The following EYS variants were observed in gnomAD, a reference collection of about 807,000 sequenced individuals.
The protein encoded by EYS is EGF-like photoreceptor maintenance factor.
EYS carries 250 observed loss-of-function variants against 282.1 expected under a neutral mutation model. The observed-to-expected ratio is 0.89, with a 90% CI of 0.80 to 0.98. The LOEUF is 0.98. Among genes scored for constraint, EYS ranks in the 50% least tolerant of loss-of-function variants. The pLI, the probability that EYS is intolerant of heterozygous loss-of-function variation, is 0.00. For missense variants in EYS, 4,016 were observed against 3,709.0 expected, an observed-to-expected ratio of 1.08 and a Z score of -2.15; for synonymous variants, 1,355 against 1,282.9, an observed-to-expected ratio of 1.06 and a Z score of -1.20.
intron 12 of EYS, among the ~76,000 whole-genome samples, chr6:65,174,477 T>G (rs1308440169): frequency 6.6e-6 from 1 of 151,298 alleles, no homozygotes; most frequent in East Asian, 2.0e-4. Flanking sequence ...ATGACCAGAA[T>G]AGAGTCCCCA....
intron 5 of EYS, among the ~76,000 whole-genome samples, chr6:65,454,991 C>T (rs191472989): frequency 5.6e-4 from 85 of 152,002 alleles, no homozygotes; most frequent in African/African-American, 2.0e-3. Context: ...TATTTAGCGT[C>T]TTTTTGTGGT....
intron 24 of EYS, among the ~76,000 whole-genome samples, chr6:64,616,555 A>T (rs983809283): frequency 6.6e-6 from 1 of 151,876 alleles, no homozygotes; most frequent in Non-Finnish European, 1.5e-5. Flanking sequence ...GTTATTGATT[A>T]TTTTTTTCTA....
intron 15 of EYS, among the ~76,000 whole-genome samples, chr6:64,931,330 T>C (rs1768716106): frequency 1.3e-5 from 2 of 152,170 alleles, no homozygotes; most frequent in South Asian, 4.1e-4. Context: ...TTACAATGTT[T>C]ATAATATTTT....
intron 12 of EYS, among the ~76,000 whole-genome samples, chr6:65,181,168 C>T (rs1170576919): frequency 1.3e-5 from 2 of 152,126 alleles, no homozygotes; most frequent in Non-Finnish European, 2.9e-5. Flanking sequence ...ATGTCCAAAA[C>T]ACCAAAAGCA....
At chr6:65,067,206 C>A (rs930392604) in intron 12 of EYS, among the ~76,000 whole-genome samples, 1 of 152,044 alleles carries the variant, frequency 6.6e-6, no homozygotes, top group Non-Finnish European at 1.5e-5. Context: ...CATTTCCAAA[C>A]TAACTCAAAG....
At chr6:65,518,400 C>T (rs1310561425) in intron 2 of EYS, among the ~76,000 whole-genome samples, 1 of 151,976 alleles carries the variant, frequency 6.6e-6, no homozygotes. Flanking sequence ...TTCACTAGTA[C>T]AACAAGTTGG....
At chr6:65,298,133 C>A (rs2150287797) in intron 11 of EYS, among the ~76,000 whole-genome samples, 1 of 152,134 alleles carries the variant, frequency 6.6e-6, no homozygotes, top group African/African-American at 2.4e-5. Flanking sequence ...TCTTCCTGAG[C>A]TAATCTCTAG....
intron 1 of EYS, among the ~76,000 whole-genome samples, chr6:65,663,866 CTTTTT>C (rs66999581): frequency 7.9e-5 from 6 of 75,916 alleles, no homozygotes; most frequent in Admixed American, 1.6e-4. Flanking sequence ...TTTTTCTTTT[CTTTTT>C]TTTTTTTTTT....
At chr6:64,962,841 A>C (rs1769970723) in intron 14 of EYS, among the ~76,000 whole-genome samples, 1 of 152,180 alleles carries the variant, frequency 6.6e-6, no homozygotes, top group Non-Finnish European at 1.5e-5. Context: ...TATCTTAATT[A>C]AAAAATGATT....
chr6:63,881,033 G>C (rs1773119483), intron 35 of EYS, among the ~76,000 whole-genome samples: 1 of 151,804 alleles, frequency 6.6e-6, no homozygotes, highest in Non-Finnish European at 1.5e-5. Flanking sequence ...CACACTATTA[G>C]ATGTGACAAT....
intron 28 of EYS, among the ~76,000 whole-genome samples, chr6:64,416,045 G>A (rs986135534): frequency 2.0e-5 from 3 of 152,172 alleles, no homozygotes; most frequent in African/African-American, 7.2e-5. Flanking sequence ...TCCAAAAGAA[G>A]TTGGTCTCTC....
chr6:64,470,177 T>C (rs914231298), intron 26 of EYS, among the ~76,000 whole-genome samples: 6 of 152,152 alleles, frequency 3.9e-5, no homozygotes, highest in Non-Finnish European at 5.9e-5. Context: ...CCGGGCCCAG[T>C]TGTCTTTTCT....
intron 26 of EYS, among the ~76,000 whole-genome samples, chr6:64,492,625 A>G (rs1031717742): frequency 6.6e-6 from 1 of 151,296 alleles, no homozygotes; most frequent in Non-Finnish European, 1.5e-5. Flanking sequence ...TATTAGTTTG[A>G]AGAATATACA....
intron 36 of EYS, among the ~76,000 whole-genome samples, chr6:63,860,568 G>T (rs967452841): frequency 6.6e-5 from 10 of 152,182 alleles, no homozygotes; most frequent in African/African-American, 1.4e-4. Flanking sequence ...GTGAAATCAC[G>T]CACAAGTTGC....
chr6:64,856,948 A>G (rs1766083550), intron 19 of EYS, among the ~76,000 whole-genome samples: 1 of 152,164 alleles, frequency 6.6e-6, no homozygotes, highest in Non-Finnish European at 1.5e-5. Flanking sequence ...ATTCTTTATG[A>G]GTTAATCTTT....
intron 7 of EYS, among the ~76,000 whole-genome samples, chr6:65,389,787 G>C (rs1765944171): frequency 6.6e-6 from 1 of 151,804 alleles, no homozygotes; most frequent in Non-Finnish European, 1.5e-5. Context: ...TTCTATATTA[G>C]ATATATATAA....
chr6:64,735,968 C>T (rs568098755), intron 22 of EYS, among the ~76,000 whole-genome samples: 5 of 151,916 alleles, frequency 3.3e-5, no homozygotes, highest in South Asian at 2.1e-4. Context: ...ACAATCAAAC[C>T]GATAGCTTAG....
intron 26 of EYS, among the ~76,000 whole-genome samples, chr6:64,534,864 C>G (rs1764470221): frequency 6.6e-6 from 1 of 151,864 alleles, no homozygotes; most frequent in African/African-American, 2.4e-5. Context: ...TATTGGCAAA[C>G]TGACATACAG....
At chr6:64,096,850 T>C (rs577337751) in intron 31 of EYS, among the ~76,000 whole-genome samples, 2 of 152,324 alleles carry the variant, frequency 1.3e-5, no homozygotes, top group South Asian at 4.1e-4. Context: ...GTTTCCAGTT[T>C]TTCTGCTCTG....
Sources: gnomAD v4.1 joint callset for allele counts (sites outside exome capture counted in the v4.1 genomes callset) on GRCh38, gnomAD v4.1.1 for gene constraint, MANE v1.5 for transcripts, NCBI Gene and HGNC (gene_info 2026-07-23, HGNC 2026-07-21) for gene names.